Variants in FIRRM observed in about 807,000 individuals in gnomAD.
The protein encoded by FIRRM is FIGNL1-interacting regulator of recombination and mitosis.
At chr1:169,827,941 C>G in the FIRRM span, 51 of 1,280,490 alleles carry the variant, frequency 4.0e-5, no homozygotes, top group East Asian at 1.1e-3. Context: ...TTTTTTAAAT[C>G]AGATATTTAT....
the FIRRM span, among the ~76,000 whole-genome samples, chr1:169,804,654 AT>A: frequency 6.6e-6 from 1 of 152,184 alleles, no homozygotes; most frequent in Non-Finnish European, 1.5e-5. Flanking sequence ...CTCATTTTAC[AT>A]GTGATGCACT....
At chr1:169,811,869 T>TTAGATAGA in the FIRRM span, among the ~76,000 whole-genome samples, 1 of 142,704 alleles carries the variant, frequency 7.0e-6, no homozygotes, top group Non-Finnish European at 1.5e-5. Context: ...GATAGATAGA[T>TTAGATAGA]TAGATAGATA....
the FIRRM span, chr1:169,802,587 T>G: frequency 1.4e-6 from 2 of 1,404,736 alleles, no homozygotes; most frequent in African/African-American, 1.4e-5. Context: ...GTGATTTCTC[T>G]TATTCCTGTT....
At chr1:169,834,732 A>G in the FIRRM span, among the ~76,000 whole-genome samples, 1 of 152,172 alleles carries the variant, frequency 6.6e-6, no homozygotes, top group East Asian at 1.9e-4. Context: ...ATTTAGCCCA[A>G]AGTTCAAGTC....
chr1:169,802,635 C>A, the FIRRM span: 3 of 1,606,176 alleles, frequency 1.9e-6, no homozygotes, highest in Non-Finnish European at 2.5e-6. Flanking sequence ...TGAAATTATT[C>A]GATGACATGA....
chr1:169,825,879 TA>T, the FIRRM span, among the ~76,000 whole-genome samples: 1 of 152,190 alleles, frequency 6.6e-6, no homozygotes, highest in Non-Finnish European at 1.5e-5. Flanking sequence ...TGGCAAAAAA[TA>T]TAGAATACAT....
At chr1:169,844,000 A>G in the FIRRM span, among the ~76,000 whole-genome samples, 3 of 152,290 alleles carry the variant, frequency 2.0e-5, no homozygotes, top group African/African-American at 4.8e-5. Context: ...TATACTGAGC[A>G]GTCAATACTT....
chr1:169,813,667 A>G, the FIRRM span, among the ~76,000 whole-genome samples: 4 of 152,218 alleles, frequency 2.6e-5, no homozygotes, highest in Admixed American at 6.5e-5. Context: ...ATTGTTCGGT[A>G]TGTCCACAGA....
the FIRRM span, chr1:169,842,565 TTATCAAAAAATAGAAAA>T: frequency 6.2e-7 from 1 of 1,600,876 alleles, no homozygotes; most frequent in Non-Finnish European, 8.5e-7. Flanking sequence ...GATCCTTTCC[TTATCAAAAAATAGAAAA>T]TATCAAAAAA....
At chr1:169,851,837 T>C in the FIRRM span, 1 of 1,614,008 alleles carries the variant, frequency 6.2e-7, no homozygotes, top group Non-Finnish European at 8.5e-7. Flanking sequence ...TAGATGAAAC[T>C]GAAGCTGCCA....
chr1:169,832,844 G>A, the FIRRM span, among the ~76,000 whole-genome samples: 1 of 152,140 alleles, frequency 6.6e-6, no homozygotes, highest in African/African-American at 2.4e-5. Flanking sequence ...CTGGGCTCAA[G>A]TGATCCATCT....
chr1:169,813,679 A>G, the FIRRM span, among the ~76,000 whole-genome samples: 70 of 152,340 alleles, frequency 4.6e-4, no homozygotes, highest in African/African-American at 1.7e-3. Flanking sequence ...GTCCACAGAA[A>G]AAGGAGAAGG....
the FIRRM span, among the ~76,000 whole-genome samples, chr1:169,808,132 A>G: frequency 2.0e-5 from 3 of 151,966 alleles, no homozygotes; most frequent in Non-Finnish European, 4.4e-5. Context: ...AACTGCTGTC[A>G]TTGCCTCTGG....
chr1:169,837,653 T>C, the FIRRM span, among the ~76,000 whole-genome samples: 26 of 152,336 alleles, frequency 1.7e-4, 1 homozygote, highest in South Asian at 5.2e-3. Context: ...ACAAATATAT[T>C]TGGAGTACTT....
At chr1:169,841,851 T>TGGA in the FIRRM span, among the ~76,000 whole-genome samples, 2 of 152,176 alleles carry the variant, frequency 1.3e-5, no homozygotes, top group Non-Finnish European at 2.9e-5. Flanking sequence ...TGCTTCCATT[T>TGGA]GGTAACTTTG....
At chr1:169,841,197 A>G in the FIRRM span, among the ~76,000 whole-genome samples, 1 of 152,194 alleles carries the variant, frequency 6.6e-6, no homozygotes, top group Non-Finnish European at 1.5e-5. Context: ...TTCCATATCT[A>G]TTGAGATGAT....
chr1:169,802,702 A>G, the FIRRM span: 1 of 1,609,904 alleles, frequency 6.2e-7, no homozygotes, highest in Non-Finnish European at 8.5e-7. Context: ...GGAAATCCAG[A>G]CCACTCTAAG....
At chr1:169,813,023 A>G in the FIRRM span, among the ~76,000 whole-genome samples, 1 of 152,250 alleles carries the variant, frequency 6.6e-6, no homozygotes. Context: ...AGATTTTGCT[A>G]TATTGGAAAA....
chr1:169,798,299 G>A, the FIRRM span, among the ~76,000 whole-genome samples: 9 of 149,456 alleles, frequency 6.0e-5, no homozygotes, highest in Admixed American at 5.3e-4. Context: ...TTTTTGAGAC[G>A]GAGTCTCGCC....
Sources: gnomAD v4.1 joint callset for allele counts (sites outside exome capture counted in the v4.1 genomes callset) on GRCh38, gnomAD v4.1.1 for gene constraint, MANE v1.5 for transcripts, NCBI Gene and HGNC (gene_info 2026-07-23, HGNC 2026-07-21) for gene names.